Variants in PDPN observed in about 807,000 individuals in gnomAD.
The protein encoded by PDPN is PA2.26 antigen.
Under a neutral mutation model 23.2 loss-of-function variants are expected in PDPN, and 12 were observed. The observed-to-expected ratio is 0.52, with a 90% CI of 0.33 to 0.84. The LOEUF (loss-of-function observed/expected upper bound fraction) is 0.84, where lower values mean the gene tolerates loss of function less well. Ranked by LOEUF, PDPN falls within the 40% of genes least tolerant of loss-of-function variation. The pLI, the probability that PDPN is intolerant of heterozygous loss-of-function variation, is 0.02. For synonymous variants in PDPN, 77 were observed against 76.7 expected (o/e 1.00, Z -0.02); for missense variants, 199 against 212.2 (o/e 0.94, Z 0.39).
intron 1 of PDPN, among the ~76,000 whole-genome samples, chr1:13,596,627 T>C (rs1231880032): frequency 6.6e-6 from 1 of 152,190 alleles, no homozygotes; most frequent in Non-Finnish European, 1.5e-5. Flanking sequence ...AGGTTAGTGG[T>C]TGCATCAATA....
At position 13,609,078 on chromosome 1, in the gene PDPN, T is replaced by C. The variant is rs139625446; in HGVS notation, c.202-1309T>C. 4.3e-3 allele frequency among the ~76,000 whole-genome samples: 660 copies of C among 152,324 alleles called. 5 individuals are homozygous for C. Among genetic ancestry groups the C allele is most frequent in the Middle Eastern group, 0.024 (7 of 294 alleles). ...TTTTATTGGAACACAGCAATGCCCA[T>C]TCAGTTGAGAATTGTCTGGCTGCTT... On this transcript the variant is annotated intron_variant, in intron 2 of 5. Coordinates refer to ENST00000621990, the MANE Select transcript of PDPN (RefSeq NM_006474.5).
At chr1:13,599,011 C>CTTTTTTTCTTTTTTTTT (rs1640568819) in intron 1 of PDPN, among the ~76,000 whole-genome samples, 1 of 127,076 alleles carries the variant, frequency 7.9e-6, no homozygotes, top group African/African-American at 2.9e-5. Context: ...GCCCCCCCTC[C>CTTTTTTTCTTTTTTTTT]TTTTTTTTTT....
At chr1:13,599,287 C>G (rs2100239925) in intron 1 of PDPN, among the ~76,000 whole-genome samples, 1 of 150,026 alleles carries the variant, frequency 6.7e-6, no homozygotes, top group Admixed American at 6.7e-5. Flanking sequence ...GGTGGGATTA[C>G]AGGCGTAAGC....
intron 1 of PDPN, among the ~76,000 whole-genome samples, chr1:13,599,898 T>C (rs1640598310): frequency 6.6e-6 from 1 of 152,176 alleles, no homozygotes; most frequent in South Asian, 2.1e-4. Flanking sequence ...TGCTGCTGCC[T>C]TAACTTGCAC....
intron 4 of PDPN, 32 bp from the exon 5 acceptor site, chr1:13,614,268 G>T: frequency 8.7e-7 from 1 of 1,152,926 alleles, no homozygotes; most frequent in Non-Finnish European, 1.3e-6. Context: ...TTTTCCTCTG[G>T]GGCTCATGCT....
At chr1:13,585,050 C>T (rs1457761267) in intron 1 of PDPN, among the ~76,000 whole-genome samples, 2 of 152,184 alleles carry the variant, frequency 1.3e-5, no homozygotes, top group African/African-American at 2.4e-5. Flanking sequence ...CCATGATTCC[C>T]CACGGCCAAA....
Position 13,616,004 on chromosome 1 carries a change from C to A in PDPN, c.*93C>A. On this transcript the variant is annotated 3_prime_UTR_variant, in exon 6 of 6. Coordinates refer to ENST00000621990, the MANE Select transcript of PDPN (RefSeq NM_006474.5). ...TCCCTGAGCTCGTGGGAGAAGATGA[C>A]CCGTGGAACACTTGCCTGGCCCACT... The A allele has an allele frequency of 8.2e-7, 1 of 1,215,268 alleles. No individual in the cohort carries two copies. Among genetic ancestry groups the A allele is most frequent in the Non-Finnish European group, 1.2e-6 (1 of 817,758 alleles). The allele number at this position is 1,215,268 out of a possible 1,614,324, so 75.3% of individuals were successfully genotyped here. A position where few individuals can be genotyped will look rare whatever the true frequency, so the allele number is the denominator to read the frequency against.
chr1:13,610,579 G>C, intron 3 of PDPN, 63 bp downstream of exon 3: 1 of 1,548,174 alleles, frequency 6.5e-7, no homozygotes, highest in Non-Finnish European at 8.8e-7. Context: ...GCATTCCAAA[G>C]TCCATCAACA....
chr1:13,588,473 A>G (rs1308041406), intron 1 of PDPN, among the ~76,000 whole-genome samples: 1 of 151,746 alleles, frequency 6.6e-6, no homozygotes, highest in Non-Finnish European at 1.5e-5. Flanking sequence ...CCCAAAGAGA[A>G]GGGAATCAGT....
Position 13,606,806 on chromosome 1 carries a change from G to C in PDPN, c.68-367G>C, listed in dbSNP as rs1557547712. 5.3e-5 allele frequency among the ~76,000 whole-genome samples: 8 copies of C among 152,224 alleles called. No homozygotes were observed. The South Asian group carries it at 1.4e-3, about 28-fold the overall frequency. On this transcript the variant is annotated intron_variant, in intron 1 of 5. Coordinates refer to ENST00000621990, the MANE Select transcript of PDPN (RefSeq NM_006474.5). ...CTCTAATTTAGAGTTTTTAGGTCCA[G>C]ATGAATATATTAATTCATCATATGA...
intron 2 of PDPN, among the ~76,000 whole-genome samples, chr1:13,608,765 C>T (rs1640859277): frequency 6.6e-6 from 1 of 152,108 alleles, no homozygotes; most frequent in Admixed American, 6.6e-5. Context: ...TTTTTTTATT[C>T]TTAATGCAGT....
chr1:13,599,219 C>G (rs1443823900), intron 1 of PDPN, among the ~76,000 whole-genome samples: 2 of 150,732 alleles, frequency 1.3e-5, no homozygotes, highest in Non-Finnish European at 3.0e-5. Context: ...CCATGTTGGC[C>G]AGGATGGTCT....
chr1:13,611,196 G>A (rs1640925235), intron 3 of PDPN, among the ~76,000 whole-genome samples: 1 of 151,414 alleles, frequency 6.6e-6, no homozygotes, highest in Non-Finnish European at 1.5e-5. Context: ...ACTCCAACCT[G>A]GGCGACAGTG....
Position 13,615,789 on chromosome 1 carries a change from C to A in PDPN, c.483-116C>A, listed in dbSNP as rs74058147. 4,282 of 940,258 alleles carry A rather than the reference C, an allele frequency of 4.6e-3. 123 individuals are homozygous for A. The African/African-American group carries it at 0.062, about 14-fold the overall frequency. 58.2% of individuals were successfully genotyped at this position (940,258 alleles called of 1,614,324 possible). A position where few individuals can be genotyped will look rare whatever the true frequency, so the allele number is the denominator to read the frequency against. On this transcript the variant is annotated intron_variant, in intron 5 of 5. Transcript: ENST00000621990. ...GAATGTCAGGAACAAGAGATGATCA[C>A]CAGGTGTCAGAACTTGGAAGATTTA...
chr1:13,591,996 C>T (rs931622035), intron 1 of PDPN, among the ~76,000 whole-genome samples: 2 of 152,214 alleles, frequency 1.3e-5, no homozygotes, highest in African/African-American at 2.4e-5. Context: ...TGTGTGTTTA[C>T]GTTGTAGCCA....
At chr1:13,603,394 CAAAAG>C (rs1253358857) in intron 1 of PDPN, among the ~76,000 whole-genome samples, 2 of 151,904 alleles carry the variant, frequency 1.3e-5, no homozygotes, top group Non-Finnish European at 2.9e-5. Flanking sequence ...AAAGAAAAGA[CAAAAG>C]AAATGCCATC....
At chr1:13,596,276 C>T (rs113974265) in intron 1 of PDPN, among the ~76,000 whole-genome samples, 4 of 152,112 alleles carry the variant, frequency 2.6e-5, no homozygotes, top group African/African-American at 9.6e-5. Flanking sequence ...TGCTAAATAC[C>T]TACCATGGTG....
chr1:13,592,516 G>A (rs1640373109), intron 1 of PDPN, among the ~76,000 whole-genome samples: 2 of 150,050 alleles, frequency 1.3e-5, no homozygotes, highest in Admixed American at 1.3e-4. Context: ...GTATCCAGTG[G>A]TCAAGGTACC....
intron 1 of PDPN, among the ~76,000 whole-genome samples, chr1:13,604,488 G>A (rs1287120077): frequency 6.6e-6 from 1 of 152,200 alleles, no homozygotes; most frequent in Admixed American, 6.5e-5. Flanking sequence ...AGCGATTTTA[G>A]TACTTGGCTC....
Sources: gnomAD v4.1 joint callset for allele counts (sites outside exome capture counted in the v4.1 genomes callset) on GRCh38, gnomAD v4.1.1 for gene constraint, MANE v1.5 for transcripts, NCBI Gene and HGNC (gene_info 2026-07-23, HGNC 2026-07-21) for gene names.